The following ADAM9 variants were observed in gnomAD, a reference collection of about 807,000 sequenced individuals.
ADAM9 encodes disintegrin and metalloproteinase domain-containing protein 9.
In ADAM9, 54 loss-of-function variants were observed where a neutral mutation model predicts 108.1. The observed-to-expected ratio is 0.50, with a 90% CI of 0.40 to 0.63. The LOEUF (loss-of-function observed/expected upper bound fraction) is 0.63. Ranked by LOEUF, ADAM9 falls within the 20% of genes least tolerant of loss-of-function variation. The pLI is 0.00. For synonymous variants in ADAM9, 316 were observed against 336.0 expected (o/e 0.94, Z 0.65); for missense variants, 830 against 997.7 (o/e 0.83, Z 2.26).
intron 12 of ADAM9, among the ~76,000 whole-genome samples, chr8:39,052,871 T>C (rs998088178): frequency 6.6e-6 from 1 of 152,170 alleles, no homozygotes; most frequent in Non-Finnish European, 1.5e-5. Flanking sequence ...ATGACTTGGT[T>C]AGATGGTAGA....
At chr8:39,072,200 C>T (rs977103786) in intron 15 of ADAM9, among the ~76,000 whole-genome samples, 17 of 152,294 alleles carry the variant, frequency 1.1e-4, no homozygotes, top group Non-Finnish European at 1.6e-4. Context: ...CATGTATAAT[C>T]TCAATCCATA....
At chr8:39,012,458 T>C (rs1043706650) in intron 3 of ADAM9, among the ~76,000 whole-genome samples, 2 of 152,176 alleles carry the variant, frequency 1.3e-5, no homozygotes, top group Non-Finnish European at 2.9e-5. Context: ...ATATACCCAA[T>C]AGATTATAAA....
At position 39,014,057 on chromosome 8, in the gene ADAM9, C is replaced by T; in HGVS notation, c.333+14C>T. On this transcript the variant is annotated intron_variant, in intron 4 of 21. Coordinates refer to ENST00000487273, the MANE Select transcript of ADAM9 (RefSeq NM_003816.3). ...CCCAATATACAGGTAATGTATTTTT[C>T]TCTTGATCCCATAGCAAATTTTAAA... 6.3e-7 allele frequency: 1 copy of T among 1,598,872 alleles called. No individual in the cohort carries two copies. The highest frequency in any genetic ancestry group is 8.6e-7 in the Non-Finnish European group (1 of 1,166,280).
intron 16 of ADAM9, among the ~76,000 whole-genome samples, chr8:39,080,586 A>G (rs1276577976): frequency 6.6e-6 from 1 of 152,172 alleles, no homozygotes; most frequent in Non-Finnish European, 1.5e-5. Flanking sequence ...AAGTTTTCAC[A>G]CGGCAGATAG....
Position 39,091,295 on chromosome 8 carries a change from G to C in ADAM9, c.2247G>C (p.Gln749His). The C allele has an allele frequency of 2.5e-6, 4 of 1,614,158 alleles. No homozygotes were observed. The highest frequency in any genetic ancestry group is 3.4e-6 in the Non-Finnish European group (4 of 1,180,016). ...AAAATCAAGCAAACCCTTCTAGACAGCCGGGGAGTGTTCCTCGACATGTTT... is the reference window on the plus strand; with the variant it reads ...AAAATCAAGCAAACCCTTCTAGACACCCGGGGAGTGTTCCTCGACATGTTT... ...DGKNQANPSR[Q>H]PGSVPRHVSP... is the part of the protein sequence containing the mutation. Residue 749 changes from glutamine (Q) to histidine (H), a missense_variant, in exon 20 of 22, where the codon CAG becomes CAC. Physicochemically the swap from Gln to His is conservative, Grantham distance 24 (BLOSUM62 0). Transcript: ENST00000487273.
At chr8:39,048,383 T>A (rs914494513) in intron 12 of ADAM9, among the ~76,000 whole-genome samples, 1 of 152,208 alleles carries the variant, frequency 6.6e-6, no homozygotes, top group Non-Finnish European at 1.5e-5. Context: ...CTTTCTGCTT[T>A]TATTGTTGTC....
rs1271905826 is a variant in ADAM9 at position 38,996,988 on chromosome 8, G to A, written c.-76G>A. ...CTTCCCGGCCAGACTTGGGGCCCCG[G>A]CAGGGTTGGAAAATGATGGAAGAGG... On this transcript the variant is annotated 5_prime_UTR_variant, in exon 1 of 22. Coordinates refer to ENST00000487273, the MANE Select transcript of ADAM9 (RefSeq NM_003816.3). 6.5e-7 allele frequency: 1 copy of A among 1,548,168 alleles called. No individual in the cohort carries two copies. Among genetic ancestry groups the A allele is most frequent in the South Asian group, 1.2e-5 (1 of 85,954 alleles).
chr8:39,073,396 GCATTAGCAAATTTAT>G (rs1473744344), intron 15 of ADAM9, among the ~76,000 whole-genome samples: 1 of 152,116 alleles, frequency 6.6e-6, no homozygotes, highest in Non-Finnish European at 1.5e-5. Flanking sequence ...GACTTGGAGG[GCATTAGCAAATTTAT>G]CATTAGCAAA....
At chr8:39,004,915 C>T (rs180800672) in intron 1 of ADAM9, among the ~76,000 whole-genome samples, 5 of 152,288 alleles carry the variant, frequency 3.3e-5, no homozygotes, top group East Asian at 1.9e-4. Flanking sequence ...GGCTTCTTTA[C>T]CGCAAACTGT....
chr8:39,011,304 C>A (rs999530762), intron 2 of ADAM9, among the ~76,000 whole-genome samples: 8 of 152,078 alleles, frequency 5.3e-5, no homozygotes, highest in African/African-American at 1.9e-4. Flanking sequence ...TTTCTTGAAA[C>A]CAAGAGTTTC....
At chr8:39,017,119 C>A in intron 5 of ADAM9, 100 bp from the exon 6 acceptor site, 1 of 1,232,556 alleles carries the variant, frequency 8.1e-7, no homozygotes, top group Non-Finnish European at 1.2e-6. Flanking sequence ...AATGCTATGC[C>A]TACTTACACA....
rs963682930 is a variant in ADAM9 at position 39,025,781 on chromosome 8, T to A, written c.915-22T>A. 9 of 1,609,910 alleles carry A rather than the reference T, an allele frequency of 5.6e-6. No homozygotes were observed. The Admixed American group carries it at 1.5e-4, about 27-fold the overall frequency. On this transcript the variant is annotated intron_variant, in intron 9 of 21. Coordinates refer to ENST00000487273, the MANE Select transcript of ADAM9 (RefSeq NM_003816.3). Reference sequence around the variant, plus strand: ...TCCTTTTTTCCCCAAGAACATTTTTTAACTTTTACATTTTCATTTAGAAAG... The same window carrying A: ...TCCTTTTTTCCCCAAGAACATTTTTAAACTTTTACATTTTCATTTAGAAAG...
At chr8:39,020,370 C>T (rs567760506) in intron 7 of ADAM9, among the ~76,000 whole-genome samples, 15 of 152,220 alleles carry the variant, frequency 9.9e-5, no homozygotes, top group Middle Eastern at 3.4e-3. Flanking sequence ...CAATCAAGCC[C>T]TATCAAATAT....
intron 3 of ADAM9, among the ~76,000 whole-genome samples, chr8:39,013,652 G>A (rs1836431560): frequency 6.6e-6 from 1 of 151,796 alleles, no homozygotes; most frequent in African/African-American, 2.4e-5. Context: ...ATATGTGTGT[G>A]CCACTATGCC....
rs186135851 is a variant in ADAM9 at position 39,020,111 on chromosome 8, C to G, written c.672+1193C>G. Among the ~76,000 whole-genome samples, 6 of 152,236 alleles carry G rather than the reference C, an allele frequency of 3.9e-5. No homozygotes were observed. The East Asian group carries it at 1.2e-3, about 29-fold the overall frequency. On this transcript the variant is annotated intron_variant, in intron 7 of 21. Transcript: ENST00000487273. ...CCATCCTGGCTAACACGGTGAAATC[C>G]CATCTCTCCTAAAAATACAAAAAAT...
intron 15 of ADAM9, among the ~76,000 whole-genome samples, chr8:39,073,582 A>AAC (rs1438046999): frequency 6.6e-6 from 1 of 152,206 alleles, no homozygotes; most frequent in Non-Finnish European, 1.5e-5. Flanking sequence ...ATGACTATTA[A>AAC]ACATTGAATG....
At chr8:39,019,048 G>GT (rs968079296) in intron 7 of ADAM9, 130 bp downstream of exon 7, 4 of 951,356 alleles carry the variant, frequency 4.2e-6, no homozygotes, top group East Asian at 2.6e-5. Context: ...AACTAAAATG[G>GT]TTTTTTTCCC....
chr8:39,064,775 T>C lies in ADAM9; in HGVS notation c.1592-6523T>C, dbSNP rs949214911. Among the ~76,000 whole-genome samples the C allele has an allele frequency of 9.8e-5, 15 of 152,338 alleles. 1 individual carries two copies. The highest frequency in any genetic ancestry group is 7.7e-4 in the East Asian group (4 of 5,184). On this transcript the variant is annotated intron_variant, in intron 14 of 21. Coordinates refer to ENST00000487273, the MANE Select transcript of ADAM9 (RefSeq NM_003816.3). ...ATTAGAGGTAAATTTTTTGAGATCC[T>C]GCAAGTGTGAAAATGGTTTTATTTG...
At chr8:38,999,310 C>T (rs79052357) in intron 1 of ADAM9, among the ~76,000 whole-genome samples, 7 of 144,494 alleles carry the variant, frequency 4.8e-5, no homozygotes, top group Non-Finnish European at 3.0e-5. Flanking sequence ...AATTTCCAAA[C>T]AGCTAACTTT....
Sources: allele counts gnomAD v4.1 joint callset (sites outside exome capture counted in the v4.1 genomes callset), GRCh38; gene constraint gnomAD v4.1.1; transcripts MANE v1.5; gene names NCBI Gene and HGNC (gene_info 2026-07-23, HGNC 2026-07-21).